The following NKIRAS1 variants were observed in gnomAD, a reference collection of about 807,000 sequenced individuals.
The protein encoded by NKIRAS1 is NF-kappa-B inhibitor-interacting Ras-like protein 1.
A neutral mutation model predicts 19.8 loss-of-function variants in NKIRAS1; 16 were observed. That is an observed-to-expected ratio of 0.81 (90% CI 0.55 to 1.23). The LOEUF (loss-of-function observed/expected upper bound fraction) is 1.23, where lower values mean the gene tolerates loss of function less well. NKIRAS1 is among the 50% of genes most tolerant of loss of function. NKIRAS1 has a pLI of 0.00. For missense variants in NKIRAS1, 184 were observed against 220.0 expected, an observed-to-expected ratio of 0.84 and a Z score of 1.04; for synonymous variants, 88 against 79.0, an observed-to-expected ratio of 1.11 and a Z score of -0.61.
intron 3 of NKIRAS1, 47 bp downstream of exon 3, chr3:23,910,763 CT>C (rs1341869800): frequency 2.1e-6 from 3 of 1,416,708 alleles, no homozygotes; most frequent in Non-Finnish European, 3.0e-6. Flanking sequence ...CAAAAGACCC[CT>C]GATAGCTCCC....
upstream of NKIRAS1, chr3:23,919,619 A>C: frequency 1.4e-6 from 2 of 1,423,772 alleles, no homozygotes; most frequent in Non-Finnish European, 1.8e-6. Context: ...TGCTTTGTCA[A>C]ATTAAGAAAG....
chr3:23,896,994 C>A (rs922049479), intron 4 of NKIRAS1, among the ~76,000 whole-genome samples: 2 of 151,982 alleles, frequency 1.3e-5, no homozygotes, highest in African/African-American at 4.8e-5. Flanking sequence ...TCACTTGAAG[C>A]CAGGAGTTGG....
At chr3:23,945,007 G>C (rs1438042036) in intron 1 of NKIRAS1, among the ~76,000 whole-genome samples, 1 of 149,846 alleles carries the variant, frequency 6.7e-6, no homozygotes, top group South Asian at 2.1e-4. Flanking sequence ...AAAGGCAGCC[G>C]GGAGGAGAGG....
intron 1 of NKIRAS1, among the ~76,000 whole-genome samples, chr3:23,914,400 A>G (rs1704086907): frequency 6.6e-6 from 1 of 152,200 alleles, no homozygotes. Context: ...GATGTTATAA[A>G]TCTCTAAAAA....
chr3:23,936,639 TGGGTTCAAGCG>T (rs1705398532), intron 1 of NKIRAS1, among the ~76,000 whole-genome samples: 1 of 152,042 alleles, frequency 6.6e-6, no homozygotes, highest in Non-Finnish European at 1.5e-5. Context: ...CTCTACCTCC[TGGGTTCAAGCG>T]ATTCTCCTGC....
intron 3 of NKIRAS1, among the ~76,000 whole-genome samples, chr3:23,902,291 C>T (rs1702598649): frequency 6.6e-6 from 1 of 151,856 alleles, no homozygotes; most frequent in Non-Finnish European, 1.5e-5. Context: ...AAAATCTCCA[C>T]AAGTATTAGA....
chr3:23,919,470 G>A (rs761928287), upstream of NKIRAS1: 41 of 1,597,440 alleles, frequency 2.6e-5, no homozygotes, highest in Non-Finnish European at 2.3e-5. Context: ...TGGAGAAGGC[G>A]CAATACTCTC....
At chr3:23,905,192 G>C (rs1051069923) in intron 3 of NKIRAS1, among the ~76,000 whole-genome samples, 1 of 152,074 alleles carries the variant, frequency 6.6e-6, no homozygotes, top group African/African-American at 2.4e-5. Flanking sequence ...TTAATTCATA[G>C]AAAATCCATA....
intron 1 of NKIRAS1, among the ~76,000 whole-genome samples, chr3:23,944,531 T>C (rs1705576400): frequency 6.6e-6 from 1 of 152,202 alleles, no homozygotes; most frequent in African/African-American, 2.4e-5. Flanking sequence ...TTTTTTCTTT[T>C]GATCTAAAAT....
chr3:23,933,984 G>T (rs4241515), intron 1 of NKIRAS1, among the ~76,000 whole-genome samples: 117,891 of 152,136 alleles, frequency 0.77, 46,470 homozygotes, highest in African/African-American at 0.9. Flanking sequence ...TTCATGAGGG[G>T]TCTGCCCTCG....
In NKIRAS1 at chr3:23,890,481, C is replaced by G; in HGVS notation, c.*2614G>C. 6.3e-7 allele frequency: 1 copy of G among 1,598,442 alleles called. No individual in the cohort carries two copies. The highest frequency in any genetic ancestry group is 8.5e-7 in the Non-Finnish European group (1 of 1,172,814). ...GTTTAAAATGTTCTTTTCCTTTCTC[C>G]AAAGTAATCTACATTCTTTTCTTCC... On this transcript the variant is annotated 3_prime_UTR_variant, in exon 5 of 5. Transcript: ENST00000425478.
chr3:23,904,659 A>T (rs1207658149), intron 3 of NKIRAS1, among the ~76,000 whole-genome samples: 2 of 152,194 alleles, frequency 1.3e-5, no homozygotes, highest in South Asian at 2.1e-4. Flanking sequence ...AAGAGAGCCT[A>T]AAAAAGTTTC....
At chr3:23,896,598 A>T (rs536545932) in intron 4 of NKIRAS1, among the ~76,000 whole-genome samples, 1 of 152,122 alleles carries the variant, frequency 6.6e-6, no homozygotes, top group East Asian at 1.9e-4. Flanking sequence ...GGGCAATAGC[A>T]AGACTCCATC....
chr3:23,944,294 T>C (rs534524006), intron 1 of NKIRAS1, among the ~76,000 whole-genome samples: 1 of 152,286 alleles, frequency 6.6e-6, no homozygotes, highest in South Asian at 2.1e-4. Flanking sequence ...TGTAAATATG[T>C]CTTCCACGTG....
At chr3:23,943,035 G>A (rs1286599107) in intron 1 of NKIRAS1, among the ~76,000 whole-genome samples, 1 of 152,188 alleles carries the variant, frequency 6.6e-6, no homozygotes, top group African/African-American at 2.4e-5. Context: ...GATTACAGGT[G>A]TGAGCCACTG....
upstream of NKIRAS1, chr3:23,919,302 A>T: frequency 6.2e-7 from 1 of 1,606,716 alleles, no homozygotes; most frequent in Non-Finnish European, 8.5e-7. Context: ...GATCCATTCC[A>T]TAAAGCTATC....
At chr3:23,904,306 G>A (rs894198448) in intron 3 of NKIRAS1, among the ~76,000 whole-genome samples, 1 of 152,168 alleles carries the variant, frequency 6.6e-6, no homozygotes, top group Admixed American at 6.5e-5. Context: ...AGGCTGGGAA[G>A]TCCAAGATCA....
upstream of NKIRAS1, chr3:23,920,362 A>G: frequency 1.0e-6 from 1 of 985,502 alleles, no homozygotes; most frequent in Non-Finnish European, 1.2e-6. Flanking sequence ...TAGGCTACAG[A>G]AAAAGTCACA....
rs1300469857 is a variant in NKIRAS1 at position 23,891,667 on chromosome 3, C to G, written c.*1428G>C. On this transcript the variant is annotated 3_prime_UTR_variant, in exon 5 of 5. Coordinates refer to ENST00000425478, the MANE Select transcript of NKIRAS1 (RefSeq NM_020345.4). ...TTTGGCAGTACATGTCCTGACCCAG[C>G]AGTTCTGTTTCTGTATGTCTCTTTC... 3 of 148,820 alleles carry G rather than the reference C, an allele frequency of 2.0e-5. No homozygotes were observed. The highest frequency in any genetic ancestry group is 6.7e-5 in the Admixed American group (1 of 14,958). The allele number at this position is 148,820 out of a possible 1,614,324, so 9.2% of individuals were successfully genotyped here. A position where few individuals can be genotyped will look rare whatever the true frequency, so the allele number is the denominator to read the frequency against.
Sources: gnomAD v4.1 joint callset for allele counts (sites outside exome capture counted in the v4.1 genomes callset) on GRCh38, gnomAD v4.1.1 for gene constraint, MANE v1.5 for transcripts, NCBI Gene and HGNC (gene_info 2026-07-23, HGNC 2026-07-21) for gene names.